IMMP2L: variants seen among roughly 807,000 people sequenced by gnomAD.
IMMP2L encodes the protein mitochondrial inner membrane protease subunit 2.
A neutral mutation model predicts 19.3 loss-of-function variants in IMMP2L; 18 were observed. The observed-to-expected ratio is 0.93, with a 90% CI of 0.64 to 1.38. IMMP2L has a LOEUF of 1.38. Among genes scored for constraint, IMMP2L ranks in the 40% most tolerant of loss-of-function variants. IMMP2L has a pLI of 0.00. For synonymous variants in IMMP2L, 76 were observed against 73.0 expected, an observed-to-expected ratio of 1.04 and a Z score of -0.21; for missense variants, 233 against 218.2, an observed-to-expected ratio of 1.07 and a Z score of -0.43.
At position 111,415,882 on chromosome 7, in the gene IMMP2L, AAAC is replaced by A. The variant is rs201705697; in HGVS notation, c.239+71353_239+71355del. Among the ~76,000 whole-genome samples, 341 of 151,720 alleles carry A rather than the reference AAAC, an allele frequency of 2.2e-3. 4 individuals are homozygous for A. The highest frequency in any genetic ancestry group is 6.8e-3 in the Middle Eastern group (2 of 294). On this transcript the variant is annotated intron_variant, in intron 3 of 5. Transcript: ENST00000405709. ...TAATTTTTAAACATATACAGGTTTT[AAAC>A]AACAACAACAACAAAAAAACAGAAA...
rs1007681192 is a variant in IMMP2L at position 110,803,837 on chromosome 7, G to C, written c.408+82756C>G. Among the ~76,000 whole-genome samples the C allele has an allele frequency of 6.6e-6, 1 of 152,026 alleles. No homozygotes were observed. The highest frequency in any genetic ancestry group is 1.5e-5 in the Non-Finnish European group (1 of 67,980). On this transcript the variant is annotated intron_variant, in intron 5 of 5. Transcript: ENST00000405709. The surrounding 1 kb of genome is among the most constrained non-coding windows in gnomAD (Gnocchi z 4.2). Reference sequence around the variant, plus strand: ...GGAACCATCAGTATCTCAACACTTGGGGACTTGTTAGACATGCAAATTATC... The same window carrying C: ...GGAACCATCAGTATCTCAACACTTGCGGACTTGTTAGACATGCAAATTATC...
At chr7:111,262,893 C>T (rs760462494) in intron 3 of IMMP2L, among the ~76,000 whole-genome samples, 1 of 152,076 alleles carries the variant, frequency 6.6e-6, no homozygotes, top group Non-Finnish European at 1.5e-5. Flanking sequence ...GTATCTTTGA[C>T]ATTAATTAAT....
In IMMP2L at chr7:111,362,594, A is replaced by G. The variant is rs531917070; in HGVS notation, c.239+124644T>C. Among the ~76,000 whole-genome samples the G allele has an allele frequency of 3.9e-5, 6 of 152,236 alleles. No homozygotes were observed. The South Asian group carries it at 1.2e-3, about 32-fold the overall frequency. ...TCCTTCAAAATCACATAGCTTATTAAAAATATTTGATGTGTGAAAACTATC... is the reference window on the plus strand; with the variant it reads ...TCCTTCAAAATCACATAGCTTATTAGAAATATTTGATGTGTGAAAACTATC... On this transcript the variant is annotated intron_variant, in intron 3 of 5. Coordinates refer to ENST00000405709, the MANE Select transcript of IMMP2L (RefSeq NM_032549.4).
chr7:110,908,226 C>CT (rs201910879), intron 4 of IMMP2L, among the ~76,000 whole-genome samples: 3,111 of 152,196 alleles, frequency 0.02, 51 homozygotes, highest in Admixed American at 0.04. Context: ...AAACTGACCC[C>CT]TTTTTTATTA....
chr7:111,511,104 A>G (rs1335668388), intron 2 of IMMP2L, among the ~76,000 whole-genome samples: 3 of 152,118 alleles, frequency 2.0e-5, no homozygotes, highest in East Asian at 1.9e-4. Context: ...AGGAAAGATT[A>G]AAAAACAGGA....
At chr7:110,777,415 C>A (rs1337314800) in intron 5 of IMMP2L, among the ~76,000 whole-genome samples, 1 of 151,954 alleles carries the variant, frequency 6.6e-6, no homozygotes, top group Non-Finnish European at 1.5e-5. Context: ...TGAAAGCAAA[C>A]CTGCTACTAA....
intron 3 of IMMP2L, among the ~76,000 whole-genome samples, chr7:111,193,362 T>A (rs767578018): frequency 3.3e-5 from 5 of 152,028 alleles, no homozygotes; most frequent in Non-Finnish European, 5.9e-5. Context: ...GAAGTAAGAA[T>A]GGATAAATAG....
intron 2 of IMMP2L, among the ~76,000 whole-genome samples, chr7:111,510,331 C>T (rs558919448): frequency 2.7e-3 from 408 of 152,170 alleles, no homozygotes; most frequent in Middle Eastern, 6.8e-3. Context: ...CCATCCCCTG[C>T]GGCATCGTGT....
At chr7:110,738,154 T>G (rs1357285287) in intron 5 of IMMP2L, among the ~76,000 whole-genome samples, 1 of 152,114 alleles carries the variant, frequency 6.6e-6, no homozygotes, top group African/African-American at 2.4e-5. Context: ...CAAGGTTCTT[T>G]AACATGCCCA....
At chr7:111,372,612 TTC>T (rs1240071450) in intron 3 of IMMP2L, among the ~76,000 whole-genome samples, 2 of 151,938 alleles carry the variant, frequency 1.3e-5, no homozygotes, top group Non-Finnish European at 1.5e-5. Flanking sequence ...TTCTGATGAG[TTC>T]TGTTCTTTTT....
intron 5 of IMMP2L, among the ~76,000 whole-genome samples, chr7:110,794,180 C>T (rs1800688423): frequency 6.6e-6 from 1 of 152,086 alleles, no homozygotes; most frequent in African/African-American, 2.4e-5. Flanking sequence ...AACTTATGTC[C>T]ACACCAAAAC....
At chr7:111,225,753 C>T (rs1813020537) in intron 3 of IMMP2L, among the ~76,000 whole-genome samples, 5 of 149,592 alleles carry the variant, frequency 3.3e-5, no homozygotes, top group Admixed American at 3.3e-4. Flanking sequence ...AGTAAATTAT[C>T]CAATTCCATC....
chr7:111,532,317 G>A (rs1402511277), intron 1 of IMMP2L, among the ~76,000 whole-genome samples: 1 of 151,936 alleles, frequency 6.6e-6, no homozygotes, highest in African/African-American at 2.4e-5. Flanking sequence ...GCCCTACTTC[G>A]GTCTTATTTT....
chr7:111,046,926 G>A (rs1244600953), intron 3 of IMMP2L, among the ~76,000 whole-genome samples: 1 of 151,974 alleles, frequency 6.6e-6, no homozygotes, highest in African/African-American at 2.4e-5. Context: ...TATCAGATAG[G>A]CATTATATTA....
At chr7:110,942,905 T>C in intron 4 of IMMP2L, among the ~76,000 whole-genome samples, 1 of 151,970 alleles carries the variant, frequency 6.6e-6, no homozygotes, top group East Asian at 1.9e-4. Flanking sequence ...TCTTTATCAG[T>C]GACTTGCAAA....
chr7:110,703,609 T>C (rs1177884321), intron 5 of IMMP2L, among the ~76,000 whole-genome samples: 1 of 152,140 alleles, frequency 6.6e-6, no homozygotes, highest in Non-Finnish European at 1.5e-5. Flanking sequence ...GTAGAAATAA[T>C]GTTGTAGAAG....
At chr7:111,338,587 T>A (rs1473443411) in intron 3 of IMMP2L, among the ~76,000 whole-genome samples, 2 of 152,108 alleles carry the variant, frequency 1.3e-5, no homozygotes, top group African/African-American at 4.8e-5. Flanking sequence ...TAGTTTAGGA[T>A]CTTATAGCAC....
intron 3 of IMMP2L, among the ~76,000 whole-genome samples, chr7:111,035,109 A>T (rs112465854): frequency 1.3e-5 from 2 of 152,226 alleles, no homozygotes; most frequent in Non-Finnish European, 2.9e-5. Context: ...GACAGGATCA[A>T]ATAAAGCCCT....
intron 3 of IMMP2L, among the ~76,000 whole-genome samples, chr7:111,384,249 GAGGAGAA>G (rs760132693): frequency 0.013 from 1,368 of 104,764 alleles, 16 homozygotes; most frequent in African/African-American, 0.049. Flanking sequence ...AGAAAGGAGA[GAGGAGAA>G]AGGAGAAAGG....
Sources: allele counts gnomAD v4.1 joint callset (sites outside exome capture counted in the v4.1 genomes callset), GRCh38; gene constraint gnomAD v4.1.1; non-coding constraint Gnocchi (gnomAD v3.1); transcripts MANE v1.5; gene names NCBI Gene and HGNC (gene_info 2026-07-23, HGNC 2026-07-21).